Variants in GDPD5 observed in about 807,000 individuals in gnomAD.
GDPD5 encodes the protein glycerophosphodiester phosphodiesterase domain containing 5, also known as glycerophosphodiester phosphodiesterase 2.
A neutral mutation model predicts 75.1 loss-of-function variants in GDPD5; 48 were observed. The observed-to-expected ratio is 0.64, with a 90% confidence interval of 0.51 to 0.81. GDPD5 has a LOEUF of 0.81. GDPD5 is among the 40% of genes least tolerant of loss of function. GDPD5 has a pLI of 0.00. For synonymous variants in GDPD5, 336 were observed against 339.0 expected (o/e 0.99, Z 0.10); for missense variants, 706 against 822.6 (o/e 0.86, Z 1.73).
intron 1 of GDPD5, among the ~76,000 whole-genome samples, chr11:75,518,778 G>A (rs1357167154): frequency 6.6e-6 from 1 of 152,208 alleles, no homozygotes; most frequent in African/African-American, 2.4e-5. Context: ...CCTGGGGTGA[G>A]CTTCTTTAAG....
chr11:75,524,968 A>G (rs1388336485), intron 1 of GDPD5, among the ~76,000 whole-genome samples: 4 of 152,228 alleles, frequency 2.6e-5, no homozygotes, highest in African/African-American at 9.6e-5. Context: ...GCCGATAATA[A>G]TACACAACAC....
intron 15 of GDPD5, 127 bp downstream of exon 15, chr11:75,439,752 C>CG (rs1043647992): frequency 5.2e-5 from 40 of 768,792 alleles, no homozygotes; most frequent in Non-Finnish European, 8.6e-5. Context: ...GGAGTCCGTC[C>CG]TTCTTCCCTG....
At chr11:75,453,400 C>T (rs1349087827) in intron 6 of GDPD5, among the ~76,000 whole-genome samples, 1 of 152,024 alleles carries the variant, frequency 6.6e-6, no homozygotes, top group African/African-American at 2.4e-5. Flanking sequence ...GGGCGGATCA[C>T]GAGGTCAGGA....
At chr11:75,438,946 G>A (rs1948703292) in intron 15 of GDPD5, 1 of 183,504 alleles carries the variant, frequency 5.4e-6, no homozygotes, top group African/African-American at 2.3e-5. Context: ...GGAAGAGAGA[G>A]GCAGAAACTT....
At chr11:75,487,967 G>C (rs1950046742) in intron 2 of GDPD5, among the ~76,000 whole-genome samples, 2 of 152,134 alleles carry the variant, frequency 1.3e-5, no homozygotes. Context: ...AATTATCCCT[G>C]GATTTCAGAC....
chr11:75,475,240 G>A (rs1433022900), intron 3 of GDPD5, among the ~76,000 whole-genome samples: 1 of 152,184 alleles, frequency 6.6e-6, no homozygotes, highest in Non-Finnish European at 1.5e-5. Context: ...GGGTTTCACA[G>A]GAGTTGAACC....
chr11:75,452,286 T>A (rs1171203735), intron 6 of GDPD5: 1 of 152,210 alleles, frequency 6.6e-6, no homozygotes, highest in Non-Finnish European at 1.5e-5. Flanking sequence ...TGCTACCTAC[T>A]GGGGATCTTT....
chr11:75,443,833 G>A (rs1948905115), intron 10 of GDPD5, among the ~76,000 whole-genome samples: 1 of 152,188 alleles, frequency 6.6e-6, no homozygotes, highest in South Asian at 2.1e-4. Context: ...TGTTCCTCAA[G>A]GCATTTTACC....
At chr11:75,436,210 A>G (rs1409902128) in intron 16 of GDPD5, among the ~76,000 whole-genome samples, 1 of 152,168 alleles carries the variant, frequency 6.6e-6, no homozygotes, top group East Asian at 1.9e-4. Flanking sequence ...TGCTGGACAC[A>G]GAGCAGAGGC....
At chr11:75,524,925 C>T (rs995084654) in intron 1 of GDPD5, among the ~76,000 whole-genome samples, 5 of 152,248 alleles carry the variant, frequency 3.3e-5, no homozygotes, top group African/African-American at 1.2e-4. Context: ...GGTCACTCAG[C>T]CCCGTTAAGC....
chr11:75,514,617 T>G (rs571775983), intron 1 of GDPD5, among the ~76,000 whole-genome samples: 17 of 152,254 alleles, frequency 1.1e-4, no homozygotes, highest in African/African-American at 4.1e-4. Context: ...ACCCCCAAGC[T>G]CCAAGGTGAA....
At chr11:75,458,931 G>A (rs1007957143) in intron 4 of GDPD5, among the ~76,000 whole-genome samples, 5 of 151,582 alleles carry the variant, frequency 3.3e-5, no homozygotes, top group Non-Finnish European at 4.4e-5. Context: ...CCAAAATATC[G>A]GGCTAATTTT....
At chr11:75,445,835 T>A (rs1948972419) in intron 9 of GDPD5, among the ~76,000 whole-genome samples, 1 of 152,212 alleles carries the variant, frequency 6.6e-6, no homozygotes, top group South Asian at 2.1e-4. Context: ...TCAGTTTCTT[T>A]AGCTGTAAAA....
At chr11:75,461,340 A>G (rs1949408190) in intron 4 of GDPD5, among the ~76,000 whole-genome samples, 1 of 152,236 alleles carries the variant, frequency 6.6e-6, no homozygotes, top group African/African-American at 2.4e-5. Context: ...AATAAAGGCC[A>G]GAGGCCACCT....
chr11:75,475,103 G>A (rs1209475466), intron 3 of GDPD5, among the ~76,000 whole-genome samples: 2 of 152,210 alleles, frequency 1.3e-5, no homozygotes, highest in Non-Finnish European at 2.9e-5. Context: ...GCATACAGTA[G>A]GTACTCAATA....
At chr11:75,435,677 G>T (rs1948607157) in intron 16 of GDPD5, 22 bp from the exon 17 acceptor site, 1 of 1,574,210 alleles carries the variant, frequency 6.4e-7, no homozygotes, top group Admixed American at 1.7e-5. Flanking sequence ...GAGGGAGACA[G>T]AATGTGAGTC....
At chr11:75,458,622 A>T (rs544719358) in intron 4 of GDPD5, among the ~76,000 whole-genome samples, 7 of 152,100 alleles carry the variant, frequency 4.6e-5, no homozygotes, top group South Asian at 2.1e-4. Context: ...CAATGAGCAG[A>T]GATCGCAGTA....
At chr11:75,455,328 AG>A (rs1482529882) in intron 6 of GDPD5, 4 of 456,090 alleles carry the variant, frequency 8.8e-6, no homozygotes, top group South Asian at 6.2e-5. Flanking sequence ...TCCCTCACAG[AG>A]GGGATAGTGG....
intron 1 of GDPD5, among the ~76,000 whole-genome samples, chr11:75,498,792 C>T (rs534023552): frequency 4.6e-5 from 7 of 152,328 alleles, no homozygotes; most frequent in Admixed American, 2.0e-4. Flanking sequence ...ACACCCCTTT[C>T]TCACAGCTGT....
Sources: gnomAD v4.1 joint callset for allele counts (sites outside exome capture counted in the v4.1 genomes callset) on GRCh38, gnomAD v4.1.1 for gene constraint, MANE v1.5 for transcripts, NCBI Gene and HGNC (gene_info 2026-07-23, HGNC 2026-07-21) for gene names.